The following MTUS2 variants were observed in gnomAD, a reference collection of about 807,000 sequenced individuals.
MTUS2 encodes microtubule associated scaffold protein 2, also known as microtubule-associated tumor suppressor candidate 2.
A neutral mutation model predicts 114.1 loss-of-function variants in MTUS2; 40 were observed. The ratio of observed to expected loss-of-function variants is 0.35; its 90% CI spans 0.27 to 0.46. MTUS2 has a LOEUF of 0.46. Ranked by LOEUF, MTUS2 falls within the 20% of genes least tolerant of loss-of-function variation. The pLI, the probability that MTUS2 is intolerant of heterozygous loss-of-function variation, is 1.00. For synonymous variants in MTUS2, 688 were observed against 672.0 expected (o/e 1.02, Z -0.37); for missense variants, 1,679 against 1,705.4 (o/e 0.98, Z 0.27).
chr13:29,210,243 T>A (rs755152969), intron 5 of MTUS2, among the ~76,000 whole-genome samples: 9 of 152,206 alleles, frequency 5.9e-5, no homozygotes, highest in Admixed American at 2.6e-4. Flanking sequence ...GTATTTTGTG[T>A]TTCTTTAAGT....
intron 4 of MTUS2, among the ~76,000 whole-genome samples, chr13:29,048,996 A>G (rs1887764038): frequency 6.6e-6 from 1 of 152,224 alleles, no homozygotes; most frequent in Admixed American, 6.5e-5. Context: ...TTTGCTTTTC[A>G]GCCTTATTAG....
At chr13:29,174,424 C>T (rs1470086509) in intron 5 of MTUS2, among the ~76,000 whole-genome samples, 1 of 152,208 alleles carries the variant, frequency 6.6e-6, no homozygotes, top group East Asian at 1.9e-4. Context: ...AGAACCAGAA[C>T]AGTAGCTTGC....
At chr13:29,223,337 A>G (rs1452625246) in intron 5 of MTUS2, among the ~76,000 whole-genome samples, 1 of 151,974 alleles carries the variant, frequency 6.6e-6, no homozygotes, top group Non-Finnish European at 1.5e-5. Context: ...GAGTGGAGCT[A>G]CCCACTGTGG....
At chr13:29,306,049 C>G (rs1899436033) in intron 6 of MTUS2, among the ~76,000 whole-genome samples, 1 of 152,146 alleles carries the variant, frequency 6.6e-6, no homozygotes, top group African/African-American at 2.4e-5. Context: ...ATGATTATCT[C>G]TAATAGATTC....
At chr13:29,104,501 T>C (rs1477441317) in intron 5 of MTUS2, among the ~76,000 whole-genome samples, 2 of 152,206 alleles carry the variant, frequency 1.3e-5, no homozygotes, top group African/African-American at 2.4e-5. Context: ...GCGGGAATGC[T>C]CTTAAGAGCT....
chr13:29,379,620 C>T (rs144952370), intron 8 of MTUS2, among the ~76,000 whole-genome samples: 2 of 152,174 alleles, frequency 1.3e-5, no homozygotes, highest in African/African-American at 4.8e-5. Flanking sequence ...TCCCCTAATA[C>T]CAGAAGGGAA....
At chr13:29,235,344 C>T (rs551879593) in intron 5 of MTUS2, among the ~76,000 whole-genome samples, 20 of 152,264 alleles carry the variant, frequency 1.3e-4, no homozygotes, top group East Asian at 1.9e-4. Flanking sequence ...CTGCCCTCCT[C>T]GGCCTCCCAA....
At chr13:28,999,201 A>G (rs1034017531) in intron 2 of MTUS2, among the ~76,000 whole-genome samples, 1 of 152,198 alleles carries the variant, frequency 6.6e-6, no homozygotes, top group Non-Finnish European at 1.5e-5. Flanking sequence ...GCTGCAGAAC[A>G]GTGGATATTG....
intron 9 of MTUS2, among the ~76,000 whole-genome samples, chr13:29,444,273 T>G (rs1401204007): frequency 2.6e-5 from 4 of 151,988 alleles, no homozygotes; most frequent in South Asian, 4.2e-4. Context: ...AAAATAAAAA[T>G]TAAAAATTAG....
intron 8 of MTUS2, among the ~76,000 whole-genome samples, chr13:29,414,761 A>T (rs1018367108): frequency 1.3e-5 from 2 of 151,856 alleles, no homozygotes; most frequent in African/African-American, 4.8e-5. Context: ...TTTTTCAAGT[A>T]AGTCTACTGG....
intron 5 of MTUS2, among the ~76,000 whole-genome samples, chr13:29,123,373 A>C (rs1194473320): frequency 6.6e-6 from 1 of 151,888 alleles, no homozygotes; most frequent in Non-Finnish European, 1.5e-5. Flanking sequence ...TTTACATTTC[A>C]TCTTCATTTG....
At chr13:29,235,101 A>T (rs543734704) in intron 5 of MTUS2, among the ~76,000 whole-genome samples, 14 of 152,146 alleles carry the variant, frequency 9.2e-5, no homozygotes, top group Middle Eastern at 3.4e-3. Context: ...TTAATTAATT[A>T]ATTAATTTTT....
In MTUS2 at chr13:28,931,851, C is replaced by G. The variant is rs187246554; in HGVS notation, c.-243+92001C>G. Among the ~76,000 whole-genome samples the G allele has an allele frequency of 2.9e-3, 443 of 152,210 alleles. 3 individuals are homozygous for G. Among genetic ancestry groups the G allele is most frequent in the African/African-American group, 0.01 (424 of 41,524 alleles). ...CCGCCTCCCCACCCCACAACAGTCC[C>G]CGTTGTGTGATGTTCCCCTTCCTGT... On this transcript the variant is annotated intron_variant, in intron 2 of 15. Transcript: ENST00000612955.
At chr13:29,501,576 G>T (rs952007029) in intron 15 of MTUS2, among the ~76,000 whole-genome samples, 1 of 152,162 alleles carries the variant, frequency 6.6e-6, no homozygotes. Flanking sequence ...TCCAGGTCTC[G>T]CCTGTCCCTG....
chr13:28,867,408 G>A (rs903608549), intron 2 of MTUS2, among the ~76,000 whole-genome samples: 3 of 152,064 alleles, frequency 2.0e-5, no homozygotes, highest in Admixed American at 6.6e-5. Context: ...ATAATACAAA[G>A]TGAAATTTCT....
At chr13:29,275,746 C>A (rs1898040207) in intron 5 of MTUS2, among the ~76,000 whole-genome samples, 1 of 152,116 alleles carries the variant, frequency 6.6e-6, no homozygotes, top group East Asian at 1.9e-4. Context: ...ATAGATGTAC[C>A]ACATTTTCTT....
At chr13:28,839,340 G>A (rs1228105869) in intron 1 of MTUS2, among the ~76,000 whole-genome samples, 1 of 151,828 alleles carries the variant, frequency 6.6e-6, no homozygotes, top group Non-Finnish European at 1.5e-5. Context: ...GTATAAATTT[G>A]GTACACAATA....
At chr13:29,494,134 T>A (rs1882373752) in intron 12 of MTUS2, among the ~76,000 whole-genome samples, 1 of 152,232 alleles carries the variant, frequency 6.6e-6, no homozygotes, top group Admixed American at 6.5e-5. Flanking sequence ...AAAATAAGGA[T>A]GATGACAGTA....
chr13:29,050,156 G>T (rs764148824), intron 4 of MTUS2, among the ~76,000 whole-genome samples: 3 of 151,954 alleles, frequency 2.0e-5, no homozygotes, highest in Non-Finnish European at 4.4e-5. Context: ...CAAGAGCCTG[G>T]GTCCCTAGGA....
Sources: gnomAD v4.1 joint callset for allele counts (sites outside exome capture counted in the v4.1 genomes callset) on GRCh38, gnomAD v4.1.1 for gene constraint, MANE v1.5 for transcripts, NCBI Gene and HGNC (gene_info 2026-07-23, HGNC 2026-07-21) for gene names.